Variants in METTL16 observed in about 807,000 individuals in gnomAD.
METTL16 encodes RNA N(6)-adenosine-methyltransferase METTL16.
METTL16 carries 19 observed loss-of-function variants against 57.9 expected under a neutral mutation model. That is an observed-to-expected ratio of 0.33 (90% CI 0.23 to 0.48). The LOEUF is 0.48. METTL16 is among the 20% of genes least tolerant of loss of function. The probability of loss-of-function intolerance (pLI) is 0.99; values close to 1 mark genes in which losing one functional copy is unlikely to be tolerated. For missense variants in METTL16, 434 were observed against 691.5 expected (o/e 0.63, Z 4.18); for synonymous variants, 246 against 255.6 (o/e 0.96, Z 0.36).
chr17:2,485,304 C>T (rs557836574), intron 2 of METTL16, among the ~76,000 whole-genome samples: 3 of 152,080 alleles, frequency 2.0e-5, no homozygotes, highest in East Asian at 1.9e-4. Context: ...AAACAAGCTG[C>T]GGGAAAACAA....
chr17:2,430,871 T>C (rs1006433127), intron 8 of METTL16, among the ~76,000 whole-genome samples: 2 of 152,032 alleles, frequency 1.3e-5, no homozygotes, highest in Non-Finnish European at 2.9e-5. Context: ...AGTATCCCAA[T>C]TTCTATCACC....
At chr17:2,448,781 TAA>T (rs1369462081) in intron 6 of METTL16, among the ~76,000 whole-genome samples, 428 of 33,646 alleles carry the variant, frequency 0.013, 5 homozygotes, top group Non-Finnish European at 0.024. Context: ...AATAAAAAAA[TAA>T]AAAAATAAAA....
chr17:2,445,035 A>G (rs2066984524), intron 6 of METTL16, among the ~76,000 whole-genome samples: 1 of 152,046 alleles, frequency 6.6e-6, no homozygotes, highest in African/African-American at 2.4e-5. Context: ...TATTTTTAGT[A>G]GAGACAGGGT....
chr17:2,491,000 T>C lies in METTL16; in HGVS notation c.128+11204A>G, dbSNP rs144306690. On this transcript the variant is annotated intron_variant, in intron 2 of 9. Coordinates refer to ENST00000263092, the MANE Select transcript of METTL16 (RefSeq NM_024086.4). ...AAGAGCTGATTGTTAGACTTTGTTGTTTATTTTCTTTTCTGAAAAGATCCA... is the reference window on the plus strand; with the variant it reads ...AAGAGCTGATTGTTAGACTTTGTTGCTTATTTTCTTTTCTGAAAAGATCCA... 6.7e-3 allele frequency among the ~76,000 whole-genome samples: 1,018 copies of C among 152,346 alleles called. 15 individuals carry two copies. Among genetic ancestry groups the C allele is most frequent in the African/African-American group, 0.023 (974 of 41,590 alleles).
chr17:2,511,718 C>A (rs997313232), intron 1 of METTL16, 41 bp downstream of exon 1: 1 of 397,296 alleles, frequency 2.5e-6, no homozygotes, highest in Admixed American at 4.4e-5. Flanking sequence ...GGTTAAGTGA[C>A]CCATGATAGT....
Position 2,420,822 on chromosome 17 carries a change from A to G in METTL16, c.971T>C (p.Leu324Ser). The change falls in exon 9 of 10, where the codon TTA (leucine) becomes TCA (serine). Residue 324 changes from leucine (L) to serine (S), a missense_variant. Physicochemically the swap from Leu to Ser is moderately radical, Grantham distance 145. Transcript: ENST00000263092. The surrounding 1 kb of genome is among the most constrained non-coding windows in gnomAD (Gnocchi z 5.4). ...FVVLASVMKELSLKASPLRSE... is the reference protein window; with the variant it reads ...FVVLASVMKESSLKASPLRSE... The stretch of plus-strand genomic sequence containing the variant: ...GCGCAGAGGTGATGCTTTGAGGGAT[A>G]ATTCCTTCATCACGGACGCCAGCAC... 6.2e-7 allele frequency: 1 copy of G among 1,614,186 alleles called. No individual in the cohort carries two copies. The highest frequency in any genetic ancestry group is 8.5e-7 in the Non-Finnish European group (1 of 1,180,008).
chr17:2,492,634 G>A (rs2067407230), intron 2 of METTL16, among the ~76,000 whole-genome samples: 1 of 152,062 alleles, frequency 6.6e-6, no homozygotes, highest in Admixed American at 6.6e-5. Context: ...GCTCACACCT[G>A]TAATCCCAGC....
rs182760625 is a variant in METTL16 at position 2,504,167 on chromosome 17, G to A, written c.1-1836C>T. Among the ~76,000 whole-genome samples the A allele has an allele frequency of 2.6e-5, 4 of 152,266 alleles. No homozygotes were observed. The East Asian group carries it at 7.7e-4, about 29-fold the overall frequency. ...CACTTATATGAGGCACCCAGTAGAG[G>A]TAAATTTATTACACAGATGGAGAGT... On this transcript the variant is annotated intron_variant, in intron 1 of 9. Coordinates refer to ENST00000263092, the MANE Select transcript of METTL16 (RefSeq NM_024086.4).
Position 2,417,056 on chromosome 17 carries a change from T to C in METTL16, c.*2914A>G, listed in dbSNP as rs1597431109. The C allele has an allele frequency of 7.3e-6, 1 of 136,144 alleles. No homozygotes were observed. Among genetic ancestry groups the C allele is most frequent in the South Asian group, 2.4e-4 (1 of 4,108 alleles). The allele number at this position is 136,144 out of a possible 1,614,324, so 8.4% of individuals were successfully genotyped here. ...ACTGAAAGCTGGCCTGCTCATGGGT[T>C]CCTTTTTTTTTTTTTTTTTTTTTTT... On this transcript the variant is annotated 3_prime_UTR_variant, in exon 10 of 10. Transcript: ENST00000263092.
intron 6 of METTL16, among the ~76,000 whole-genome samples, chr17:2,444,849 G>A (rs1376899860): frequency 6.6e-6 from 1 of 151,878 alleles, no homozygotes; most frequent in East Asian, 1.9e-4. Context: ...GAGTAGCTGG[G>A]AGTACAGGCA....
rs891569529 is a variant in METTL16 at position 2,486,523 on chromosome 17, G to A, written c.129-8638C>T. On this transcript the variant is annotated intron_variant, in intron 2 of 9. Transcript: ENST00000263092. ...CCTGACCTCATGATCTGCCCGCCTC[G>A]ACCTCCCAAAGTGCTGGGATTACAG... Among the ~76,000 whole-genome samples, 4 of 152,012 alleles carry A rather than the reference G, an allele frequency of 2.6e-5. 1 individual carries two copies. The highest frequency in any genetic ancestry group is 3.9e-4 in the East Asian group (2 of 5,154).
At chr17:2,489,600 G>A (rs910038213) in intron 2 of METTL16, among the ~76,000 whole-genome samples, 1 of 151,714 alleles carries the variant, frequency 6.6e-6, no homozygotes, top group Non-Finnish European at 1.5e-5. Context: ...TTAGCTGGGC[G>A]TGGTGGCACG....
intron 3 of METTL16, among the ~76,000 whole-genome samples, chr17:2,474,548 A>G (rs142937051): frequency 0.015 from 2,210 of 152,276 alleles, 23 homozygotes; most frequent in Middle Eastern, 0.054. Context: ...CCATGCAAAA[A>G]AAAACACTCT....
chr17:2,448,185 C>T (rs1597448745), intron 6 of METTL16, among the ~76,000 whole-genome samples: 4 of 149,368 alleles, frequency 2.7e-5, no homozygotes, highest in Admixed American at 6.7e-5. Flanking sequence ...TCTGCCCGGC[C>T]GCCCCTACTG....
At chr17:2,494,379 G>A (rs953069342) in intron 2 of METTL16, among the ~76,000 whole-genome samples, 6 of 152,076 alleles carry the variant, frequency 3.9e-5, no homozygotes, top group African/African-American at 1.4e-4. Flanking sequence ...GGGTATATGG[G>A]ATATACATTG....
intron 2 of METTL16, among the ~76,000 whole-genome samples, chr17:2,480,133 C>T (rs1457718941): frequency 1.3e-5 from 2 of 150,708 alleles, no homozygotes; most frequent in Non-Finnish European, 3.0e-5. Flanking sequence ...TTGCAGTGAG[C>T]CGAGACTGTG....
At chr17:2,484,534 G>A (rs995085183) in intron 2 of METTL16, among the ~76,000 whole-genome samples, 7 of 149,678 alleles carry the variant, frequency 4.7e-5, no homozygotes, top group African/African-American at 1.7e-4. Flanking sequence ...CGTTCTTGTC[G>A]CCCAGCCTGG....
chr17:2,448,766 TAAAAAATAAAAAAATA>T (rs1323661847), intron 6 of METTL16, among the ~76,000 whole-genome samples: 1 of 37,244 alleles, frequency 2.7e-5, no homozygotes, highest in Non-Finnish European at 5.6e-5. Context: ...ATAAAAAAAA[TAAAAAATAAAAAAATA>T]AAAAAATAAA....
At chr17:2,459,463 C>T (rs1318718523) in intron 6 of METTL16, among the ~76,000 whole-genome samples, 1 of 152,210 alleles carries the variant, frequency 6.6e-6, no homozygotes, top group Non-Finnish European at 1.5e-5. Flanking sequence ...GCATCACAAG[C>T]GCCATCCTGA....
Sources: gnomAD v4.1 joint callset for allele counts (sites outside exome capture counted in the v4.1 genomes callset) on GRCh38, gnomAD v4.1.1 for gene constraint, Gnocchi (gnomAD v3.1) non-coding constraint, MANE v1.5 for transcripts, NCBI Gene and HGNC (gene_info 2026-07-23, HGNC 2026-07-21) for gene names.